PPP3CC: variants seen among roughly 807,000 people sequenced by gnomAD.
PPP3CC encodes the protein protein phosphatase 3 catalytic subunit gamma, also known as serine/threonine-protein phosphatase 2B catalytic subunit gamma isoform.
In PPP3CC, 35 loss-of-function variants were observed where a neutral mutation model predicts 60.3. The observed-to-expected ratio is 0.58, with a 90% CI of 0.44 to 0.77. The LOEUF is 0.77. Ranked by LOEUF, PPP3CC falls within the 30% of genes least tolerant of loss-of-function variation. The pLI is 0.00. For synonymous variants in PPP3CC, 206 were observed against 224.3 expected (o/e 0.92, Z 0.73); for missense variants, 570 against 628.9 (o/e 0.91, Z 1.00).
intron 12 of PPP3CC, among the ~76,000 whole-genome samples, chr8:22,534,346 C>A (rs1393984688): frequency 6.6e-6 from 1 of 151,664 alleles, no homozygotes. Context: ...CACTTGAGGC[C>A]AGGAGTTTGA....
chr8:22,456,606 C>G (rs1283375325), intron 1 of PPP3CC, among the ~76,000 whole-genome samples: 1 of 152,082 alleles, frequency 6.6e-6, no homozygotes, highest in South Asian at 2.1e-4. Flanking sequence ...TCAGATTTCA[C>G]CAGTTATACA....
In PPP3CC at chr8:22,474,443, C is replaced by T. The variant is rs150009073; in HGVS notation, c.50-511C>T. Among the ~76,000 whole-genome samples the T allele has an allele frequency of 8.3e-3, 1,266 of 152,070 alleles. 18 individuals carry two copies. Among genetic ancestry groups the T allele is most frequent in the African/African-American group, 0.029 (1,213 of 41,484 alleles). ...ATAGGGCTGGGCGCAGTGGCTCACT[C>T]CTGTAATCCCAGCACTTTGGGAGGC... is the stretch of plus-strand genomic sequence containing the variant. On this transcript the variant is annotated intron_variant, in intron 1 of 13. Transcript: ENST00000240139.
intron 8 of PPP3CC, among the ~76,000 whole-genome samples, chr8:22,524,720 A>G (rs750683733): frequency 1.3e-5 from 2 of 152,140 alleles, no homozygotes; most frequent in African/African-American, 4.8e-5. Flanking sequence ...TGATTGCTCA[A>G]TGGATTTATC....
intron 1 of PPP3CC, among the ~76,000 whole-genome samples, chr8:22,472,894 C>T (rs966977847): frequency 2.0e-5 from 3 of 151,990 alleles, no homozygotes; most frequent in African/African-American, 7.3e-5. Flanking sequence ...TCAATTCCTG[C>T]GATGTTATTG....
rs1412400092 is a variant in PPP3CC at position 22,505,575 on chromosome 8, G to A, written c.485-5511G>A. Among the ~76,000 whole-genome samples the A allele has an allele frequency of 2.0e-5, 3 of 152,306 alleles. No homozygotes were observed. In the East Asian group the frequency reaches 5.8e-4, roughly 29 times the overall value. On this transcript the variant is annotated intron_variant, in intron 4 of 13. Coordinates refer to ENST00000240139, the MANE Select transcript of PPP3CC (RefSeq NM_005605.5). ...AAAATTACAAAGCTCTCCTGTAGGGGAGGCAAAATTTTACCTTTACTCTCA... is the reference window on the plus strand; with the variant it reads ...AAAATTACAAAGCTCTCCTGTAGGGAAGGCAAAATTTTACCTTTACTCTCA...
intron 10 of PPP3CC, among the ~76,000 whole-genome samples, chr8:22,530,817 C>A (rs2461485): frequency 8.1e-6 from 1 of 124,098 alleles, no homozygotes; most frequent in African/African-American, 3.1e-5. Context: ...GGCGACAGAG[C>A]GAGACTCATC....
intron 1 of PPP3CC, among the ~76,000 whole-genome samples, chr8:22,443,369 A>G (rs1225877622): frequency 2.0e-5 from 3 of 151,980 alleles, no homozygotes; most frequent in Non-Finnish European, 4.4e-5. Flanking sequence ...TAAACATACA[A>G]AAATTAGCTG....
At chr8:22,490,303 C>T (rs1441741038) in intron 3 of PPP3CC, among the ~76,000 whole-genome samples, 3 of 152,082 alleles carry the variant, frequency 2.0e-5, no homozygotes, top group African/African-American at 4.8e-5. Context: ...ACTCATCAGG[C>T]GTGGGGTGGA....
intron 8 of PPP3CC, among the ~76,000 whole-genome samples, chr8:22,523,234 A>G (rs1484678421): frequency 1.3e-5 from 2 of 152,192 alleles, no homozygotes; most frequent in African/African-American, 4.8e-5. Context: ...CCTGCCAGAA[A>G]CGAATACTGT....
chr8:22,456,173 A>G (rs1046912184), intron 1 of PPP3CC, among the ~76,000 whole-genome samples: 4 of 152,206 alleles, frequency 2.6e-5, no homozygotes, highest in African/African-American at 9.7e-5. Context: ...ACAATAATCT[A>G]AAAATAATAG....
rs1373280514 is a variant in PPP3CC, at chr8:22,527,406, T to A, written c.958T>A (p.Tyr320Asn). 1 of 1,613,954 alleles carries A rather than the reference T, an allele frequency of 6.2e-7. No homozygotes were observed. The change falls in exon 9 of 14, where the codon TAT (tyrosine) becomes AAT (asparagine). Residue 320 changes from tyrosine to asparagine, a missense_variant. By Grantham distance (143) the Tyr-to-Asn change is moderately radical. Transcript: ENST00000240139. ...TTCCTTTTTAGCTGCTGTGTTGAAA[T>A]ATGAAAACAATGTCATGAATATCAG... ...VYNNKAAVLK[Y>N]ENNVMNIRQF...
Position 22,541,006 on chromosome 8 carries a change from T to G in PPP3CC, c.*204T>G, listed in dbSNP as rs1839947440. Reference sequence around the variant, plus strand: ...ATATATATAAAAAGTGCATCTGTTTTGTTTTTCCCTTTTTTCTCCATAATT... The same window carrying G: ...ATATATATAAAAAGTGCATCTGTTTGGTTTTTCCCTTTTTTCTCCATAATT... On this transcript the variant is annotated 3_prime_UTR_variant, in exon 14 of 14. Coordinates refer to ENST00000240139, the MANE Select transcript of PPP3CC (RefSeq NM_005605.5). 1 of 387,850 alleles carries G rather than the reference T, an allele frequency of 2.6e-6. No individual in the cohort carries two copies. The allele number at this position is 387,850 out of a possible 1,614,324, so 24.0% of individuals were successfully genotyped here. A position where few individuals can be genotyped will look rare whatever the true frequency, so the allele number is the denominator to read the frequency against.
At chr8:22,498,900 G>A (rs2132514137) in intron 4 of PPP3CC, among the ~76,000 whole-genome samples, 2 of 151,806 alleles carry the variant, frequency 1.3e-5, no homozygotes, top group Middle Eastern at 6.8e-3. Flanking sequence ...CAAGGCAGGT[G>A]GAACACAAGG....
chr8:22,484,339 G>GTA (rs139896414), intron 3 of PPP3CC, among the ~76,000 whole-genome samples: 1,782 of 149,964 alleles, frequency 0.012, 34 homozygotes, highest in African/African-American at 0.041. Context: ...ATACAACATA[G>GTA]TATATATATA....
At chr8:22,490,636 T>C (rs1261074189) in intron 3 of PPP3CC, among the ~76,000 whole-genome samples, 5 of 124,630 alleles carry the variant, frequency 4.0e-5, no homozygotes, top group African/African-American at 1.2e-4. Flanking sequence ...CAGAGTGTGA[T>C]GTTCCCCTTC....
intron 3 of PPP3CC, among the ~76,000 whole-genome samples, chr8:22,476,687 C>G (rs539115454): frequency 6.6e-6 from 1 of 152,110 alleles, no homozygotes; most frequent in Admixed American, 6.5e-5. Context: ...AATCCCAGCA[C>G]TTTGGGAGGC....
chr8:22,519,128 A>G (rs766894565), intron 6 of PPP3CC, among the ~76,000 whole-genome samples: 3 of 152,210 alleles, frequency 2.0e-5, no homozygotes, highest in African/African-American at 2.4e-5. Context: ...TCATTATATA[A>G]TGACTTTTGT....
intron 3 of PPP3CC, among the ~76,000 whole-genome samples, chr8:22,479,405 C>G (rs1335476615): frequency 6.6e-6 from 1 of 152,028 alleles, no homozygotes; most frequent in Admixed American, 6.6e-5. Context: ...TTGTACGCTC[C>G]TTTTCTGATC....
intron 3 of PPP3CC, among the ~76,000 whole-genome samples, chr8:22,478,702 A>C (rs531096517): frequency 6.6e-6 from 1 of 152,302 alleles, no homozygotes; most frequent in East Asian, 1.9e-4. Context: ...TAAAGAATAA[A>C]ATTTATGCTC....
Sources: gnomAD v4.1 joint callset for allele counts (sites outside exome capture counted in the v4.1 genomes callset) on GRCh38, gnomAD v4.1.1 for gene constraint, MANE v1.5 for transcripts, NCBI Gene and HGNC (gene_info 2026-07-23, HGNC 2026-07-21) for gene names.